Variants in TENM4 observed in about 807,000 individuals in gnomAD.
TENM4 encodes the protein teneurin transmembrane protein 4.
In TENM4, 82 loss-of-function variants were observed where a neutral mutation model predicts 243.3. That is an observed-to-expected ratio of 0.34 (90% CI 0.28 to 0.40). TENM4 has a LOEUF of 0.40. TENM4 is among the 10% of genes least tolerant of loss of function. TENM4 has a pLI of 1.00. For missense variants in TENM4, 3,138 were observed against 3,673.3 expected (o/e 0.85, Z 3.77); for synonymous variants, 1,412 against 1,456.3 (o/e 0.97, Z 0.69).
In TENM4 at chr11:78,656,558, G is replaced by A. The variant is rs12222828; in HGVS notation, c.*1500C>T. On this transcript the variant is annotated 3_prime_UTR_variant, in exon 34 of 34. Transcript: ENST00000278550. ...TGGGCGTGCTCTTCAGGTGTGGGCT[G>A]TCCCTGCTTCTGAGAGGGCTCAGGC... 3.7e-3 allele frequency: 560 copies of A among 152,834 alleles called. 13 individuals carry two copies. Among genetic ancestry groups the A allele is most frequent in the Admixed American group, 0.03 (457 of 15,318 alleles). The allele number at this position is 152,834 out of a possible 1,614,324, so 9.5% of individuals were successfully genotyped here. A position where few individuals can be genotyped will look rare whatever the true frequency, so the allele number is the denominator to read the frequency against.
chr11:78,676,537 T>C (rs901913765), intron 29 of TENM4, 150 bp from the exon 30 acceptor site: 52 of 498,232 alleles, frequency 1.0e-4, no homozygotes, highest in Non-Finnish European at 5.8e-5. Context: ...GGAAAATACA[T>C]GGAGAAGACC....
chr11:78,852,127 C>T (rs1858554731), intron 12 of TENM4, among the ~76,000 whole-genome samples: 1 of 152,224 alleles, frequency 6.6e-6, no homozygotes, highest in Non-Finnish European at 1.5e-5. Context: ...AGCCCCTGCC[C>T]TCTAGGCATT....
intron 1 of TENM4, among the ~76,000 whole-genome samples, chr11:79,398,818 G>A (rs1858400074): frequency 6.6e-6 from 1 of 150,542 alleles, no homozygotes; most frequent in Non-Finnish European, 1.5e-5. Flanking sequence ...AAGGTATGCT[G>A]GGGGCCCAAG....
intron 2 of TENM4, among the ~76,000 whole-genome samples, chr11:79,289,395 T>C (rs993187249): frequency 6.6e-6 from 1 of 152,220 alleles, no homozygotes; most frequent in African/African-American, 2.4e-5. Context: ...ACTGTTGCTG[T>C]TGGCTGCTGA....
At chr11:78,863,783 C>A (rs1191270616) in intron 9 of TENM4, among the ~76,000 whole-genome samples, 3 of 152,166 alleles carry the variant, frequency 2.0e-5, no homozygotes, top group African/African-American at 7.2e-5. Context: ...TAAAAGCTAG[C>A]AACATTAAAA....
intron 16 of TENM4, among the ~76,000 whole-genome samples, chr11:78,785,526 T>C (rs1282237080): frequency 6.6e-6 from 1 of 152,188 alleles, no homozygotes; most frequent in Non-Finnish European, 1.5e-5. Context: ...TCTTTGAAGT[T>C]CCGTGACCTT....
intron 6 of TENM4, among the ~76,000 whole-genome samples, chr11:79,043,152 A>G (rs1345016858): frequency 6.6e-6 from 1 of 151,980 alleles, no homozygotes; most frequent in Non-Finnish European, 1.5e-5. Context: ...TCTCCAACAC[A>G]TTGTTGGATT....
chr11:78,752,252 C>A (rs1856207153), intron 19 of TENM4, among the ~76,000 whole-genome samples: 3 of 152,370 alleles, frequency 2.0e-5, no homozygotes, highest in South Asian at 2.1e-4. Flanking sequence ...AGGCCTTCAT[C>A]ACTCCAGGAG....
intron 6 of TENM4, among the ~76,000 whole-genome samples, chr11:78,967,746 G>A (rs2136560273): frequency 6.6e-6 from 1 of 152,264 alleles, no homozygotes; most frequent in Non-Finnish European, 1.5e-5. Context: ...CTTCTACTGT[G>A]TTTGTAGTAA....
intron 6 of TENM4, among the ~76,000 whole-genome samples, chr11:78,977,695 C>T (rs1857694781): frequency 6.6e-6 from 1 of 152,190 alleles, no homozygotes; most frequent in African/African-American, 2.4e-5. Flanking sequence ...ATTAAAAAGT[C>T]AGGAAACAAC....
chr11:79,138,856 C>CATACATTATATTTATATAAATATAT lies in TENM4; in HGVS notation c.-66+9853_-66+9854insATATATTTATATAAATATAATGTAT, dbSNP rs1565219733. 1.5e-4 allele frequency among the ~76,000 whole-genome samples: 14 copies of CATACATTATATTTATATAAATATAT among 94,562 alleles called. 1 individual carries two copies. The highest frequency in any genetic ancestry group is 3.1e-4 in the African/African-American group (7 of 22,508). The allele number at this position is 94,562 out of a possible 152,430, so 62.0% of individuals were successfully genotyped here. A position where few individuals can be genotyped will look rare whatever the true frequency, so the allele number is the denominator to read the frequency against. ...CATACATTATATTTATATAAATATA[C>CATACATTATATTTATATAAATATAT]AAAATATACCTTATATTTATATAAA... On this transcript the variant is annotated intron_variant, in intron 4 of 33. Transcript: ENST00000278550.
At chr11:78,904,377 T>TAAAAAAAAAAAAA (rs1333665292) in intron 6 of TENM4, among the ~76,000 whole-genome samples, 66 of 100,126 alleles carry the variant, frequency 6.6e-4, no homozygotes, top group African/African-American at 2.5e-3. Context: ...AAAAAAAAAG[T>TAAAAAAAAAAAAA]AAAACATAGA....
chr11:79,115,758 C>T (rs1276328993), intron 4 of TENM4, among the ~76,000 whole-genome samples: 2 of 152,210 alleles, frequency 1.3e-5, no homozygotes, highest in Non-Finnish European at 2.9e-5. Flanking sequence ...AACTGAGGCA[C>T]AGATGAGTGA....
chr11:79,066,155 T>C (rs867315043), intron 5 of TENM4, among the ~76,000 whole-genome samples: 9 of 152,012 alleles, frequency 5.9e-5, no homozygotes, highest in Middle Eastern at 3.2e-3. Flanking sequence ...ACCAAACACA[T>C]GATTAAGTGT....
chr11:78,783,362 G>A (rs551545287), intron 16 of TENM4, among the ~76,000 whole-genome samples: 1 of 152,212 alleles, frequency 6.6e-6, no homozygotes, highest in African/African-American at 2.4e-5. Context: ...GGAAAACTGG[G>A]TTTCATATAT....
At chr11:79,083,384 G>A (rs1265831490) in intron 4 of TENM4, among the ~76,000 whole-genome samples, 1 of 152,160 alleles carries the variant, frequency 6.6e-6, no homozygotes, top group African/African-American at 2.4e-5. Context: ...GCCTTTATAC[G>A]TTTCTCAACC....
intron 15 of TENM4, among the ~76,000 whole-genome samples, chr11:78,798,102 A>T (rs1250599536): frequency 6.6e-6 from 1 of 152,212 alleles, no homozygotes; most frequent in East Asian, 1.9e-4. Flanking sequence ...GCATTAAAGC[A>T]TCTCACTCAG....
rs769291719 is a variant in TENM4 at position 78,670,550 on chromosome 11, G to C, written c.5795C>G (p.Ser1932Cys). 4 of 1,597,644 alleles carry C rather than the reference G, an allele frequency of 2.5e-6. No individual in the cohort carries two copies. The highest frequency in any genetic ancestry group is 3.4e-6 in the Non-Finnish European group (4 of 1,171,046). The change falls in exon 32 of 34, where the codon TCC becomes TGC. Residue 1932 changes from serine (S) to cysteine (C), a missense_variant and splice_region_variant. By Grantham distance (112) the Ser-to-Cys change is moderately radical. Transcript: ENST00000278550. ...CTGGCTGTGTAGTAGCAGCACCATG[G>C]ACTGGAGGGAGAGGAAAACCAAGAG... ...KTWSYTYLEK[S>C]MVLLLHSQRQ... is the part of the protein sequence containing the mutation.
chr11:78,970,444 G>T (rs651861), intron 6 of TENM4, among the ~76,000 whole-genome samples: 76,344 of 151,922 alleles, frequency 0.5, 19,823 homozygotes, highest in African/African-American at 0.61. Context: ...TATCCTGCAT[G>T]GATTAATAAT....
Sources: allele counts gnomAD v4.1 joint callset (sites outside exome capture counted in the v4.1 genomes callset), GRCh38; gene constraint gnomAD v4.1.1; transcripts MANE v1.5; gene names NCBI Gene and HGNC (gene_info 2026-07-23, HGNC 2026-07-21).